The following SSC5D variants were observed in gnomAD, a reference collection of about 807,000 sequenced individuals.
SSC5D encodes scavenger receptor cysteine rich family member with 5 domains.
In SSC5D, 106 loss-of-function variants were observed where a neutral mutation model predicts 104.6. The ratio of observed to expected loss-of-function variants is 1.01; its 90% CI spans 0.87 to 1.19. The LOEUF is 1.19. Ranked by LOEUF, SSC5D falls within the 50% of genes most tolerant of loss-of-function variation. The pLI, the probability that SSC5D is intolerant of heterozygous loss-of-function variation, is 0.00. For missense variants in SSC5D, 1,993 were observed against 2,153.8 expected (o/e 0.93, Z 1.48); for synonymous variants, 860 against 883.5 (o/e 0.97, Z 0.47).
intron 5 of SSC5D, 125 bp downstream of exon 5, chr19:55,490,533 C>T (rs1238887641): frequency 9.8e-6 from 6 of 609,504 alleles, no homozygotes; most frequent in African/African-American, 5.7e-5. Flanking sequence ...CAGTGTTCCC[C>T]GCGTCCCTCC....
chr19:55,513,196 G>C (rs514574), intron 13 of SSC5D, 24 bp downstream of exon 13: 1,463,405 of 1,469,462 alleles, frequency 1, 728,923 homozygotes, highest in Non-Finnish European at 1. Flanking sequence ...CTGGGGTGAG[G>C]AGACTGGGAC....
At chr19:55,512,773 G>A (rs1987785864) in intron 12 of SSC5D, among the ~76,000 whole-genome samples, 4 of 152,138 alleles carry the variant, frequency 2.6e-5, no homozygotes, top group Admixed American at 2.6e-4. Context: ...TTGAGCCACG[G>A]CGCCAGGCCC....
chr19:55,510,694 A>C (rs1987738623), intron 12 of SSC5D, among the ~76,000 whole-genome samples: 1 of 150,470 alleles, frequency 6.6e-6, no homozygotes, highest in Non-Finnish European at 1.5e-5. Flanking sequence ...TTTTCCCTGG[A>C]CTATTTTTTC....
rs1179336905 is a variant in SSC5D at position 55,518,170 on chromosome 19, C to T, written c.3894C>T (p.Thr1298=). Residue 1298 remains threonine, a synonymous_variant, in exon 14 of 14, where the codon ACC becomes ACT. Coordinates refer to ENST00000389623, the MANE Select transcript of SSC5D (RefSeq NM_001144950.2). ...CCACAACCCCTCACCCCACCACAAC[C>T]CCTCACCCCACCATGACTCCTGACC... ...HPTTTPHPTT[T]PHPTMTPDPT... 7 of 1,418,366 alleles carry T rather than the reference C, an allele frequency of 4.9e-6. No homozygotes were observed. The African/African-American group carries it at 5.7e-5, about 12-fold the overall frequency. 87.9% of individuals were successfully genotyped at this position (1,418,366 alleles called of 1,614,324 possible). A position where few individuals can be genotyped will look rare whatever the true frequency, so the allele number is the denominator to read the frequency against.
chr19:55,502,150 C>T (rs983807848), intron 12 of SSC5D, among the ~76,000 whole-genome samples: 1 of 152,134 alleles, frequency 6.6e-6, no homozygotes, highest in African/African-American at 2.4e-5. Flanking sequence ...CCTCCTGTCT[C>T]ACTCTCTCAA....
chr19:55,504,896 T>G (rs8101393), intron 12 of SSC5D, among the ~76,000 whole-genome samples: 19,225 of 152,168 alleles, frequency 0.13, 1,321 homozygotes, highest in African/African-American at 0.17. Context: ...GACCCCAACT[T>G]CAGGCCATAG....
intron 12 of SSC5D, among the ~76,000 whole-genome samples, chr19:55,510,359 G>T (rs1987728466): frequency 6.6e-6 from 1 of 151,406 alleles, no homozygotes; most frequent in East Asian, 2.0e-4. Flanking sequence ...CATCTTTTTG[G>T]TTTTTTTAGA....
intron 3 of SSC5D, 66 bp from the exon 4 acceptor site, chr19:55,489,816 A>G (rs980546973): frequency 2.7e-6 from 4 of 1,500,320 alleles, no homozygotes; most frequent in Non-Finnish European, 3.6e-6. Context: ...TCCCTCTTCC[A>G]GGGACCCAAA....
At chr19:55,495,628 T>TA (rs947394420) in intron 8 of SSC5D, among the ~76,000 whole-genome samples, 13 of 152,010 alleles carry the variant, frequency 8.6e-5, no homozygotes, top group African/African-American at 3.1e-4. Flanking sequence ...TGACAGCCAC[T>TA]AAAAAGATTG....
At position 55,498,089 on chromosome 19, in the gene SSC5D, G is replaced by A; in HGVS notation, c.1597G>A (p.Asp533Asn). 1 of 1,551,682 alleles carries A rather than the reference G, an allele frequency of 6.4e-7. No individual in the cohort carries two copies. The highest frequency in any genetic ancestry group is 2.4e-5 in the East Asian group (1 of 40,918). The change falls in exon 9 of 14, where the codon GAT becomes AAT. Residue 533 changes from aspartate to asparagine, a missense_variant. Around this residue, in one of 6 missense-constraint regions of SSC5D, gnomAD observed 1,101 missense variants for 1,085.0 expected, o/e 1.01. Transcript: ENST00000389623. ...CTGGGGTGCGGGCCCCATCTGGCTA[G>A]ATGATGTGGGCTGTGTGGGGACCGA... ...FGWGAGPIWL[D>N]DVGCVGTEAS... is the part of the protein sequence containing the mutation.
At chr19:55,495,267 G>A (rs1599916905) in intron 8 of SSC5D, among the ~76,000 whole-genome samples, 1 of 47,952 alleles carries the variant, frequency 2.1e-5, no homozygotes, top group Non-Finnish European at 4.1e-5. Flanking sequence ...TTTTGAGAGT[G>A]GATTTAATTC....
chr19:55,497,769 A>C, intron 8 of SSC5D, 111 bp from the exon 9 acceptor site: 36 of 985,556 alleles, frequency 3.7e-5, no homozygotes, highest in Middle Eastern at 3.3e-4. Context: ...AATGGAGGGA[A>C]GGCCTAGATG....
intron 2 of SSC5D, 37 bp downstream of exon 2, chr19:55,489,069 C>A (rs774029785): frequency 1.1e-4 from 122 of 1,085,938 alleles, no homozygotes; most frequent in African/African-American, 6.1e-4. Flanking sequence ...CCCGCCCCCC[C>A]CCCCAGGCCT....
At chr19:55,493,988 G>GC in intron 7 of SSC5D, 76 bp downstream of exon 7, 1 of 185,280 alleles carries the variant, frequency 5.4e-6, no homozygotes, top group Non-Finnish European at 1.0e-5. Flanking sequence ...CGGCGGGGGC[G>GC]GGGGGGTCCC....
At chr19:55,499,630 G>T (rs957828142) in intron 9 of SSC5D, among the ~76,000 whole-genome samples, 186 bp from the exon 10 acceptor site, 4 of 152,190 alleles carry the variant, frequency 2.6e-5, no homozygotes, top group African/African-American at 9.7e-5. Flanking sequence ...CTTGCCATAG[G>T]CTACCCGAGG....
intron 13 of SSC5D, 134 bp downstream of exon 13, chr19:55,513,306 C>T (rs533835327): frequency 4.8e-5 from 47 of 976,208 alleles, no homozygotes; most frequent in Non-Finnish European, 6.1e-5. Context: ...AAAGGGTTAT[C>T]GGCTGAGCAT....
At chr19:55,506,264 A>C (rs1301506628) in intron 12 of SSC5D, among the ~76,000 whole-genome samples, 1 of 151,526 alleles carries the variant, frequency 6.6e-6, no homozygotes, top group East Asian at 1.9e-4. Flanking sequence ...CAGTGCTTGA[A>C]ACTCAGTAGT....
chr19:55,498,814 T>G (rs577776292), intron 9 of SSC5D, among the ~76,000 whole-genome samples: 1 of 152,352 alleles, frequency 6.6e-6, no homozygotes, highest in South Asian at 2.1e-4. Context: ...CTCAATAATT[T>G]GCTAGAAGAA....
At chr19:55,505,672 A>G (rs1366741497) in intron 12 of SSC5D, among the ~76,000 whole-genome samples, 2 of 151,798 alleles carry the variant, frequency 1.3e-5, no homozygotes, top group East Asian at 3.9e-4. Context: ...GCAACATTGC[A>G]TCTCTCTGAC....
Sources: allele counts gnomAD v4.1 joint callset (sites outside exome capture counted in the v4.1 genomes callset), GRCh38; gene constraint gnomAD v4.1.1; regional missense constraint gnomAD v4.1.1; transcripts MANE v1.5; gene names NCBI Gene and HGNC (gene_info 2026-07-23, HGNC 2026-07-21).